The following MAP3K1 variants were observed in gnomAD, a reference collection of about 807,000 sequenced individuals.
The protein encoded by MAP3K1 is mitogen-activated protein kinase kinase kinase 1, also known as MAP/ERK kinase kinase 1.
In MAP3K1, 36 loss-of-function variants were observed where a neutral mutation model predicts 144.2. That is an observed-to-expected ratio of 0.25 (90% CI 0.19 to 0.33). MAP3K1 has a LOEUF of 0.33. MAP3K1 is among the 10% of genes least tolerant of loss of function. MAP3K1 has a pLI of 1.00. For synonymous variants in MAP3K1, 718 were observed against 688.7 expected, an observed-to-expected ratio of 1.04 and a Z score of -0.67; for missense variants, 1,650 against 1,881.9, an observed-to-expected ratio of 0.88 and a Z score of 2.28.
intron 1 of MAP3K1, among the ~76,000 whole-genome samples, chr5:56,849,575 T>C (rs1440159115): frequency 1.3e-5 from 2 of 152,206 alleles, no homozygotes; most frequent in African/African-American, 2.4e-5. Context: ...TTACTTCTTA[T>C]GTAAACCTAC....
At position 56,895,661 on chromosome 5, in the gene MAP3K1, TGTG is replaced by T. The variant is rs764677121; in HGVS notation, c.*1985_*1987del. On this transcript the variant is annotated 3_prime_UTR_variant, in exon 20 of 20. Transcript: ENST00000399503. ...GCAGTTCCCTCAGCTTGCTGGTAAT[TGTG>T]GTGTTTTGTTTTTTGTTTTGTTTTC... is the stretch of plus-strand genomic sequence containing the variant. 14 of 232,432 alleles carry T rather than the reference TGTG, an allele frequency of 6.0e-5. No individual in the cohort carries two copies. Among genetic ancestry groups the T allele is most frequent in the East Asian group, 2.4e-4 (4 of 16,450 alleles). 14.4% of individuals were successfully genotyped at this position (232,432 alleles called of 1,614,324 possible). A position where few individuals can be genotyped will look rare whatever the true frequency, so the allele number is the denominator to read the frequency against.
chr5:56,887,854 C>T, intron 18 of MAP3K1: 1 of 432,890 alleles, frequency 2.3e-6, no homozygotes, highest in Non-Finnish European at 4.2e-6. Flanking sequence ...AGGAGATGAG[C>T]ATACAGAGGC....
At chr5:56,889,660 C>T (rs1408232211) in intron 19 of MAP3K1, among the ~76,000 whole-genome samples, 1 of 152,112 alleles carries the variant, frequency 6.6e-6, no homozygotes, top group African/African-American at 2.4e-5. Context: ...TAGTTTTAAA[C>T]CCTGGCTCTA....
In MAP3K1 at chr5:56,883,535, G is replaced by A. The variant is rs918909564; in HGVS notation, c.3675G>A (p.Glu1225=). The A allele has an allele frequency of 1.1e-5, 18 of 1,613,952 alleles. No homozygotes were observed. The highest frequency in any genetic ancestry group is 1.4e-5 in the Non-Finnish European group (17 of 1,179,938). Residue 1225 remains glutamate (E), a synonymous_variant, in exon 15 of 20, where the codon GAG becomes GAA. Transcript: ENST00000399503. ...TTTCGTTTAATATGTAGACACCAGA[G>A]ACTCTACCAGGACATACCAAAGCAA... The part of the protein sequence containing the change: ...DIIIIQQDTP[E]TLPGHTKAKQ...
intron 3 of MAP3K1, among the ~76,000 whole-genome samples, chr5:56,862,368 T>A (rs1467115052): frequency 6.6e-6 from 1 of 152,170 alleles, no homozygotes; most frequent in Non-Finnish European, 1.5e-5. Context: ...AAACCCAGAA[T>A]TGATGTGATA....
chr5:56,859,723 A>C lies in MAP3K1; in HGVS notation c.642A>C (p.Lys214Asn). 6.2e-7 allele frequency: 1 copy of C among 1,613,754 alleles called. No homozygotes were observed. The highest frequency in any genetic ancestry group is 1.1e-5 in the South Asian group (1 of 91,060). The change falls in exon 3 of 20, where the codon AAA (lysine) becomes AAC (asparagine). Residue 214 changes from lysine (K) to asparagine (N), a missense_variant. By Grantham distance (94) the Lys-to-Asn change is moderately conservative. This residue lies in a region of MAP3K1 where 148 missense variants were observed against 177.2 expected (regional missense o/e 0.84). Coordinates refer to ENST00000399503, the MANE Select transcript of MAP3K1 (RefSeq NM_005921.2). ...GGAATACTTTGATTCAGGTGGTAAA[A>C]CCAATCCCAGTTAAAGGAGATGGAT... ...RRNRRGPVVV[K>N]PIPVKGDGSE...
At chr5:56,885,834 A>G in intron 16 of MAP3K1, 98 bp from the exon 17 acceptor site, 2 of 950,696 alleles carry the variant, frequency 2.1e-6, no homozygotes, top group Non-Finnish European at 3.4e-6. Flanking sequence ...TTCAGATGTG[A>G]ATGTGAGTTC....
intron 1 of MAP3K1, among the ~76,000 whole-genome samples, chr5:56,819,298 C>G (rs775062229): frequency 6.6e-6 from 1 of 152,108 alleles, no homozygotes; most frequent in Non-Finnish European, 1.5e-5. Context: ...GGAAGTAGCC[C>G]TGTTCATTGA....
rs762754628 is a variant in MAP3K1 at position 56,865,932 on chromosome 5, A to G, written c.1256A>G (p.His419Arg). 2.5e-6 allele frequency: 4 copies of G among 1,612,654 alleles called. No individual in the cohort carries two copies. The highest frequency in any genetic ancestry group is 1.6e-4 in the Middle Eastern group (1 of 6,074). The change falls in exon 6 of 20, where the codon CAT becomes CGT. Residue 419 changes from histidine (H) to arginine (R), a missense_variant. By Grantham distance (29) the His-to-Arg change is conservative. This residue lies in a region of MAP3K1 where 125 missense variants were observed against 179.9 expected (regional missense o/e 0.69). Transcript: ENST00000399503. Reference protein sequence around the residue: ...QKFVSRMSNSHTLSSSSTSTS... With the variant: ...QKFVSRMSNSRTLSSSSTSTS... Reference sequence around the variant, plus strand: ...TTTGTTTCACGCATGTCAAATTCTCATACATTGTCATCATCTAGTACTTCT... The same window carrying G: ...TTTGTTTCACGCATGTCAAATTCTCGTACATTGTCATCATCTAGTACTTCT...
chr5:56,893,278 T>A (rs180946125), intron 19 of MAP3K1, among the ~76,000 whole-genome samples: 2 of 152,334 alleles, frequency 1.3e-5, no homozygotes, highest in Admixed American at 1.3e-4. Context: ...GCCTTGTTGA[T>A]GTAAATAATA....
At chr5:56,867,314 A>G (rs1275437144) in intron 6 of MAP3K1, among the ~76,000 whole-genome samples, 1 of 152,230 alleles carries the variant, frequency 6.6e-6, no homozygotes, top group Non-Finnish European at 1.5e-5. Context: ...CTGTACATAC[A>G]TAGATAGATT....
intron 3 of MAP3K1, chr5:56,862,193 A>T (rs1266452399): frequency 1.3e-5 from 2 of 152,194 alleles, no homozygotes; most frequent in African/African-American, 4.8e-5. Flanking sequence ...TTCAGCTGGG[A>T]TACTGGAACA....
chr5:56,844,270 C>G (rs1287638892), intron 1 of MAP3K1, among the ~76,000 whole-genome samples: 2 of 146,054 alleles, frequency 1.4e-5, no homozygotes, highest in East Asian at 2.1e-4. Context: ...AGCTCCGCCT[C>G]CTGGGTTCAT....
At chr5:56,820,057 T>G (rs1159954723) in intron 1 of MAP3K1, among the ~76,000 whole-genome samples, 1 of 152,216 alleles carries the variant, frequency 6.6e-6, no homozygotes, top group Non-Finnish European at 1.5e-5. Flanking sequence ...TATCTGTGGC[T>G]TAAAACATAC....
At chr5:56,834,855 A>G (rs1005331487) in intron 1 of MAP3K1, among the ~76,000 whole-genome samples, 8 of 152,240 alleles carry the variant, frequency 5.3e-5, no homozygotes, top group African/African-American at 9.7e-5. Context: ...TTTTACTTAT[A>G]TACAGCTTTT....
At chr5:56,893,428 C>A in intron 19 of MAP3K1, 103 bp from the exon 20 acceptor site, 1 of 1,235,168 alleles carries the variant, frequency 8.1e-7, no homozygotes, top group Non-Finnish European at 1.2e-6. Flanking sequence ...CAGTTCCTCT[C>A]TGTTCAGGAT....
intron 3 of MAP3K1, chr5:56,862,124 T>G (rs2113079): frequency 1.3e-5 from 2 of 151,966 alleles, no homozygotes; most frequent in Non-Finnish European, 2.9e-5. Flanking sequence ...CTCTGTTCCT[T>G]GTGACATTCT....
chr5:56,895,201 A>G lies in MAP3K1; in HGVS notation c.*1521A>G, dbSNP rs1383119461. ...ATAAGTTTACAGGGATATATTGCTT[A>G]CAATTTTTAAAAGGCAGTTTGTTTT... On this transcript the variant is annotated 3_prime_UTR_variant, in exon 20 of 20. Transcript: ENST00000399503. The G allele has an allele frequency of 1.7e-5, 4 of 231,954 alleles. No individual in the cohort carries two copies. The highest frequency in any genetic ancestry group is 6.6e-5 in the African/African-American group (3 of 45,284). The allele number at this position is 231,954 out of a possible 1,614,324, so 14.4% of individuals were successfully genotyped here. A position where few individuals can be genotyped will look rare whatever the true frequency, so the allele number is the denominator to read the frequency against.
rs551259181 is a variant in MAP3K1 at position 56,833,169 on chromosome 5, C to T, written c.482+17114C>T. Among the ~76,000 whole-genome samples, 139 of 152,316 alleles carry T rather than the reference C, an allele frequency of 9.1e-4. 1 individual carries two copies. Among genetic ancestry groups the T allele is most frequent in the Middle Eastern group, 3.4e-3 (1 of 294 alleles). On this transcript the variant is annotated intron_variant, in intron 1 of 19. Transcript: ENST00000399503. ...ACAGGCGTGAGCCACCATGCTCTGC[C>T]ATGATTTTTTTGTTTTTATATGAAG...
Sources: allele counts gnomAD v4.1 joint callset (sites outside exome capture counted in the v4.1 genomes callset), GRCh38; gene constraint gnomAD v4.1.1; regional missense constraint gnomAD v4.1.1; transcripts MANE v1.5; gene names NCBI Gene and HGNC (gene_info 2026-07-23, HGNC 2026-07-21).